Variants in SPATS1 observed in about 807,000 individuals in gnomAD.
The protein encoded by SPATS1 is spermatogenesis-associated serine-rich protein 1.
SPATS1 carries 23 observed loss-of-function variants against 33.6 expected under a neutral mutation model. That is an observed-to-expected ratio of 0.68 (90% CI 0.49 to 0.97). SPATS1 has a LOEUF of 0.97. Among genes scored for constraint, SPATS1 ranks in the 50% least tolerant of loss-of-function variants. SPATS1 has a pLI of 0.00. For missense variants in SPATS1, 327 were observed against 361.0 expected (o/e 0.91, Z 0.76); for synonymous variants, 131 against 125.6 (o/e 1.04, Z -0.29).
intron 3 of SPATS1, among the ~76,000 whole-genome samples, chr6:44,354,293 C>T (rs567810510): frequency 4.0e-5 from 6 of 151,688 alleles, no homozygotes; most frequent in East Asian, 1.9e-4. Context: ...ATGATCGAGC[C>T]GTTGCACTCC....
intron 3 of SPATS1, among the ~76,000 whole-genome samples, chr6:44,354,490 C>A (rs1788447089): frequency 6.6e-6 from 1 of 151,844 alleles, no homozygotes; most frequent in South Asian, 2.1e-4. Context: ...CAATTAAGAT[C>A]ATATTATATT....
chr6:44,360,325 A>G, intron 3 of SPATS1, 121 bp from the exon 4 acceptor site: 1 of 1,229,916 alleles, frequency 8.1e-7, no homozygotes, highest in Non-Finnish European at 1.1e-6. Flanking sequence ...ATGCTCAAGG[A>G]CTTTTATAGA....
In SPATS1 at chr6:44,343,186, G is replaced by C. The variant is rs764172774; in HGVS notation, c.91G>C (p.Val31Leu). 6.2e-7 allele frequency: 1 copy of C among 1,613,646 alleles called. No homozygotes were observed. Residue 31 changes from valine (V) to leucine (L), a missense_variant, in exon 2 of 9, where the codon GTT becomes CTT. Physicochemically the swap from Val to Leu is conservative, Grantham distance 32 (BLOSUM62 1). Coordinates refer to ENST00000674044, the MANE Select transcript of SPATS1 (RefSeq NM_001372081.1). ...STTCGRQLEK[V>L]PEKRDSGMTE... ...GACCTGCGGCAGACAGCTGGAGAAG[G>C]TTCCAGAAAAAAGGGACTCTGGCAT...
In SPATS1 at chr6:44,378,336, A is replaced by G. The variant is rs1790062278; in HGVS notation, c.*1273A>G. The stretch of plus-strand genomic sequence containing the variant: ...CTTGGCTGGCTAATGAAGGCTGCAG[A>G]TCTAGTATCTCCAAAACCTTAAAGT... On this transcript the variant is annotated 3_prime_UTR_variant, in exon 9 of 9. Transcript: ENST00000674044. 6.6e-6 allele frequency: 1 copy of G among 152,102 alleles called. No homozygotes were observed. Among genetic ancestry groups the G allele is most frequent in the Admixed American group, 6.6e-5 (1 of 15,254 alleles). The allele number at this position is 152,102 out of a possible 1,614,324, so 9.4% of individuals were successfully genotyped here. A position where few individuals can be genotyped will look rare whatever the true frequency, so the allele number is the denominator to read the frequency against.
At chr6:44,365,136 G>A (rs1789168333) in intron 5 of SPATS1, among the ~76,000 whole-genome samples, 1 of 152,184 alleles carries the variant, frequency 6.6e-6, no homozygotes, top group African/African-American at 2.4e-5. Context: ...CTCAGGGACT[G>A]CCAACCAGCT....
intron 6 of SPATS1, among the ~76,000 whole-genome samples, chr6:44,369,796 T>G (rs1789487745): frequency 6.6e-6 from 1 of 151,916 alleles, no homozygotes; most frequent in Non-Finnish European, 1.5e-5. Context: ...CACCTGAGCC[T>G]GAAAGGTCGA....
chr6:44,376,140 G>T (rs545384011), intron 7 of SPATS1, among the ~76,000 whole-genome samples: 3 of 152,110 alleles, frequency 2.0e-5, no homozygotes, highest in Non-Finnish European at 4.4e-5. Flanking sequence ...GAGGAGCCCA[G>T]GTGATACTAG....
At position 44,352,720 on chromosome 6, in the gene SPATS1, T is replaced by A; in HGVS notation, c.140-6T>A. On this transcript the variant is annotated splice_polypyrimidine_tract_variant and splice_region_variant and intron_variant, in intron 2 of 8. Transcript: ENST00000674044. ...GTAATTAAATGGTGATATCTCTGTG[T>A]TACAGGTGCTAATTGCAGTGATTTT... is the stretch of plus-strand genomic sequence containing the variant. The A allele has an allele frequency of 6.2e-7, 1 of 1,613,540 alleles. No individual in the cohort carries two copies. The highest frequency in any genetic ancestry group is 2.2e-5 in the East Asian group (1 of 44,888).
intron 7 of SPATS1, among the ~76,000 whole-genome samples, chr6:44,375,674 G>A (rs1368410139): frequency 6.6e-6 from 1 of 152,154 alleles, no homozygotes; most frequent in Non-Finnish European, 1.5e-5. Flanking sequence ...GCTGGGCGTG[G>A]TGTCATGTGC....
At chr6:44,368,334 C>G in intron 5 of SPATS1, 45 bp from the exon 6 acceptor site, 7 of 1,591,008 alleles carry the variant, frequency 4.4e-6, no homozygotes, top group Non-Finnish European at 6.0e-6. Flanking sequence ...ATCTGTGGAT[C>G]ATCTTCAGCC....
intron 4 of SPATS1, 78 bp downstream of exon 4, chr6:44,360,648 A>C: frequency 3.8e-5 from 57 of 1,517,306 alleles, no homozygotes; most frequent in Non-Finnish European, 4.6e-5. Context: ...GGCCACCCTC[A>C]TCGAAGGCCC....
intron 1 of SPATS1, 36 bp from the exon 2 acceptor site, chr6:44,343,060 G>T: frequency 6.2e-7 from 1 of 1,611,984 alleles, no homozygotes. Flanking sequence ...TTTGTCTCTG[G>T]GTTGCTTCTA....
chr6:44,352,081 C>T (rs1788276444), intron 2 of SPATS1, among the ~76,000 whole-genome samples: 1 of 152,150 alleles, frequency 6.6e-6, no homozygotes, highest in African/African-American at 2.4e-5. Flanking sequence ...CTTAGAATCT[C>T]AGGCTTTAGT....
Position 44,377,404 on chromosome 6 carries a change from T to C in SPATS1, c.*341T>C. On this transcript the variant is annotated 3_prime_UTR_variant, in exon 9 of 9. Coordinates refer to ENST00000674044, the MANE Select transcript of SPATS1 (RefSeq NM_001372081.1). ...CTTTACACCTGTATACCTACATACC[T>C]CAGCATGTATCTTCTAAGGTCAAGG... The C allele has an allele frequency of 3.5e-6, 1 of 284,568 alleles. No individual in the cohort carries two copies. The highest frequency in any genetic ancestry group is 6.6e-6 in the Non-Finnish European group (1 of 150,764). 17.6% of individuals were successfully genotyped at this position (284,568 alleles called of 1,614,324 possible).
chr6:44,373,059 C>T (rs140783146), intron 7 of SPATS1, among the ~76,000 whole-genome samples: 1 of 152,312 alleles, frequency 6.6e-6, no homozygotes, highest in Non-Finnish European at 1.5e-5. Context: ...CTACCCTACA[C>T]ATGTGTGTCT....
intron 3 of SPATS1, among the ~76,000 whole-genome samples, chr6:44,354,847 G>T (rs966508016): frequency 5.3e-5 from 8 of 152,158 alleles, no homozygotes; most frequent in Middle Eastern, 3.4e-3. Flanking sequence ...TTTTGAGACA[G>T]GATCTTGTTC....
Position 44,361,855 on chromosome 6 carries a change from C to T in SPATS1, c.437C>T (p.Thr146Ile). 3 of 1,614,220 alleles carry T rather than the reference C, an allele frequency of 1.9e-6. No homozygotes were observed. The South Asian group carries it at 3.3e-5, about 18-fold the overall frequency. The change falls in exon 5 of 9, where the codon ACA becomes ATA. Residue 146 changes from threonine (T) to isoleucine (I), a missense_variant. By Grantham distance (89) the Thr-to-Ile change is moderately conservative (BLOSUM62 -1). Coordinates refer to ENST00000674044, the MANE Select transcript of SPATS1 (RefSeq NM_001372081.1). ...GAAGATGGGCATCGTCCTGAGTGGA[C>T]ATTTTACCCAAGGTTTAGCAGCAAC... ...QTKDGHRPEW[T>I]FYPRFSSNIH...
Position 44,379,404 on chromosome 6 carries a change from C to T in SPATS1, c.*2341C>T, listed in dbSNP as rs1430392399. Among the ~76,000 whole-genome samples the T allele has an allele frequency of 1.3e-5, 2 of 151,896 alleles. No individual in the cohort carries two copies. Among genetic ancestry groups the T allele is most frequent in the Non-Finnish European group, 1.5e-5 (1 of 67,964 alleles). ...AGGAGATCGAGACCATCCTGGCTAA[C>T]ATGGAGAAACCCTGTCTCTATTAAA... On this transcript the variant is annotated 3_prime_UTR_variant, in exon 9 of 9. Coordinates refer to ENST00000674044, the MANE Select transcript of SPATS1 (RefSeq NM_001372081.1).
intron 6 of SPATS1, 93 bp from the exon 7 acceptor site, chr6:44,369,958 G>A (rs1022215163): frequency 1.4e-5 from 11 of 767,036 alleles, no homozygotes; most frequent in Admixed American, 8.1e-5. Context: ...AATTAAAATC[G>A]GAAAACAGGA....
Sources: allele counts gnomAD v4.1 joint callset (sites outside exome capture counted in the v4.1 genomes callset), GRCh38; gene constraint gnomAD v4.1.1; transcripts MANE v1.5; gene names NCBI Gene and HGNC (gene_info 2026-07-23, HGNC 2026-07-21).